PALM: variants seen among roughly 807,000 people sequenced by gnomAD.
The protein encoded by PALM is paralemmin.
PALM carries 18 observed loss-of-function variants against 30.7 expected under a neutral mutation model. That is an observed-to-expected ratio of 0.59 (90% CI 0.41 to 0.87). PALM has a LOEUF of 0.87. Ranked by LOEUF, PALM falls within the 40% of genes least tolerant of loss-of-function variation. PALM has a pLI of 0.00. For synonymous variants in PALM, 286 were observed against 242.8 expected, an observed-to-expected ratio of 1.18 and a Z score of -1.66; for missense variants, 529 against 555.4, an observed-to-expected ratio of 0.95 and a Z score of 0.48.
At chr19:736,117 G>T (rs755088361) in intron 7 of PALM, 39 bp downstream of exon 7, 14 of 1,506,908 alleles carry the variant, frequency 9.3e-6, no homozygotes, top group South Asian at 1.2e-5. Flanking sequence ...AGATCCAGCC[G>T]CTGTCAGGGA....
At chr19:726,691 T>TG (rs1436372623) in intron 2 of PALM, among the ~76,000 whole-genome samples, 1 of 152,140 alleles carries the variant, frequency 6.6e-6, no homozygotes, top group East Asian at 1.9e-4. Flanking sequence ...TTAGTAGAGA[T>TG]GGGGTTTCAC....
Position 747,124 on chromosome 19 carries a change from C to T in PALM, c.*310C>T. 2 of 316,750 alleles carry T rather than the reference C, an allele frequency of 6.3e-6. No homozygotes were observed. The highest frequency in any genetic ancestry group is 1.2e-5 in the Non-Finnish European group (2 of 169,626). 19.6% of individuals were successfully genotyped at this position (316,750 alleles called of 1,614,324 possible). On this transcript the variant is annotated 3_prime_UTR_variant, in exon 9 of 9. Coordinates refer to ENST00000338448, the MANE Select transcript of PALM (RefSeq NM_002579.3). ...GCTTCACAGACGCGGCTCGCGCCCACCGGGGTCCTGGCGGGTGGGACCCGC... is the reference window on the plus strand; with the variant it reads ...GCTTCACAGACGCGGCTCGCGCCCATCGGGGTCCTGGCGGGTGGGACCCGC...
intron 1 of PALM, among the ~76,000 whole-genome samples, chr19:710,856 T>C (rs907035424): frequency 1.3e-5 from 2 of 152,208 alleles, no homozygotes; most frequent in African/African-American, 4.8e-5. Flanking sequence ...AGGACGACTC[T>C]CTCCCCGGTT....
chr19:746,308 G>T lies in PALM; in HGVS notation c.658G>T (p.Ala220Ser), dbSNP rs142636705. 5.0e-6 allele frequency: 8 copies of T among 1,613,258 alleles called. No individual in the cohort carries two copies. Among genetic ancestry groups the T allele is most frequent in the Non-Finnish European group, 6.8e-6 (8 of 1,179,504 alleles). Residue 220 changes from alanine to serine, a missense_variant, in exon 9 of 9, where the codon GCC becomes TCC. Transcript: ENST00000338448. The surrounding 1 kb of genome is among the most constrained non-coding windows in gnomAD (Gnocchi z 7.1). ...TKVVHAVDGTAENGIHPLSSS... is the reference protein window; with the variant it reads ...TKVVHAVDGTSENGIHPLSSS... ...AGTGGTCCATGCTGTGGACGGCACCGCCGAGAACGGGATCCACCCCCTGAG... is the reference window on the plus strand; with the variant it reads ...AGTGGTCCATGCTGTGGACGGCACCTCCGAGAACGGGATCCACCCCCTGAG...
At chr19:727,439 T>A (rs2032722458) in intron 3 of PALM, 125 bp from the exon 4 acceptor site, 1 of 744,610 alleles carries the variant, frequency 1.3e-6, no homozygotes, top group African/African-American at 1.7e-5. Flanking sequence ...ATCCCAACCA[T>A]AACCCTGACC....
At position 746,524 on chromosome 19, in the gene PALM, C is replaced by T. The variant is rs745795743; in HGVS notation, c.874C>T (p.Pro292Ser). Residue 292 changes from proline to serine, a missense_variant, in exon 9 of 9, where the codon CCC (proline) becomes TCC (serine). Physicochemically the swap from Pro to Ser is moderately conservative, Grantham distance 74. Transcript: ENST00000338448. The surrounding 1 kb of genome is among the most constrained non-coding windows in gnomAD (Gnocchi z 7.1). The part of the protein sequence containing the change: ...EATSGPPGIQ[P>S]GQEPPVTMIF... ...CACGTCCGGCCCGCCGGGGATCCAG[C>T]CCGGCCAGGAGCCCCCGGTCACAAT... 14 of 1,612,850 alleles carry T rather than the reference C, an allele frequency of 8.7e-6. No individual in the cohort carries two copies. The highest frequency in any genetic ancestry group is 1.3e-5 in the African/African-American group (1 of 74,924).
rs1426363977 is a variant in PALM at position 709,222 on chromosome 19, C to G, written c.5+71C>G. On this transcript the variant is annotated intron_variant, in intron 1 of 8. Transcript: ENST00000338448. This position sits in a 1 kb window ranked among gnomAD's most constrained non-coding sequence, Gnocchi z 4.3. Reference sequence around the variant, plus strand: ...GGGAGCCGGGGAGGGGGGAGGCCCCCTCTCTCGCGCCCCATTGGGGGCGTC... The same window carrying G: ...GGGAGCCGGGGAGGGGGGAGGCCCCGTCTCTCGCGCCCCATTGGGGGCGTC... 1.7e-5 allele frequency: 5 copies of G among 302,912 alleles called. No individual in the cohort carries two copies. The highest frequency in any genetic ancestry group is 1.5e-4 in the East Asian group (3 of 19,844). The allele number at this position is 302,912 out of a possible 1,614,324, so 18.8% of individuals were successfully genotyped here.
rs1032491334 is a variant in PALM, at chr19:746,065, A to T, written c.635-220A>T. On this transcript the variant is annotated intron_variant, in intron 8 of 8. Transcript: ENST00000338448. The surrounding 1 kb of genome is among the most constrained non-coding windows in gnomAD (Gnocchi z 7.1). The stretch of plus-strand genomic sequence containing the variant: ...AGAGTGAGACTCCGTCTCAAAAAAA[A>T]TTTTTTTTCCTCATTGTACGGCATT... Among the ~76,000 whole-genome samples the T allele has an allele frequency of 1.8e-4, 27 of 152,054 alleles. No homozygotes were observed. Among genetic ancestry groups the T allele is most frequent in the African/African-American group, 1.7e-4 (7 of 41,390 alleles).
In PALM at chr19:727,000, C is replaced by CCCCCCCCCCCCCCAA; in HGVS notation, c.58-5_58-4insCCCCCCCCCCAACCC. 2.1e-6 allele frequency: 3 copies of CCCCCCCCCCCCCCAA among 1,446,502 alleles called. No individual in the cohort carries two copies. Among genetic ancestry groups the CCCCCCCCCCCCCCAA allele is most frequent in the Non-Finnish European group, 1.9e-6 (2 of 1,055,346 alleles). The allele number at this position is 1,446,502 out of a possible 1,614,324, so 89.6% of individuals were successfully genotyped here. ...CCCATCCCTGACCCCACCCGGCCCT[C>CCCCCCCCCCCCCCAA]CCCACAGGAGAAGCGGAAGCGGCAG... On this transcript the variant is annotated splice_polypyrimidine_tract_variant and splice_region_variant and intron_variant, in intron 2 of 8. Coordinates refer to ENST00000338448, the MANE Select transcript of PALM (RefSeq NM_002579.3).
chr19:730,194 G>C (rs1049743856), intron 4 of PALM, among the ~76,000 whole-genome samples: 3 of 114,780 alleles, frequency 2.6e-5, no homozygotes, highest in Non-Finnish European at 1.8e-5. Context: ...CCTGCAGGAA[G>C]CCCTCCAGGC....
chr19:719,447 G>C (rs1044524147), intron 1 of PALM: 3 of 985,320 alleles, frequency 3.0e-6, no homozygotes, highest in Non-Finnish European at 2.4e-6. Context: ...TCGCGGGGAC[G>C]GGAGGCCTGT....
chr19:741,088 G>A (rs1312083566), intron 8 of PALM, among the ~76,000 whole-genome samples: 3 of 152,024 alleles, frequency 2.0e-5, no homozygotes, highest in East Asian at 1.9e-4. Context: ...GTAGTGAGCC[G>A]TGATCGCACC....
chr19:735,188 TGGGGGCCC>T (rs2032987651), intron 6 of PALM: 10 of 122,070 alleles, frequency 8.2e-5, no homozygotes, highest in African/African-American at 3.6e-4. Context: ...TCTGTGTGTC[TGGGGGCCC>T]AGGTGCCTGT....
rs1290435591 is a variant in PALM, at chr19:709,409, C to G, written c.5+258C>G. Among the ~76,000 whole-genome samples, 1 of 151,636 alleles carries G rather than the reference C, an allele frequency of 6.6e-6. No homozygotes were observed. Among genetic ancestry groups the G allele is most frequent in the African/African-American group, 2.4e-5 (1 of 41,334 alleles). On this transcript the variant is annotated intron_variant, in intron 1 of 8. Transcript: ENST00000338448. The surrounding 1 kb of genome is among the most constrained non-coding windows in gnomAD (Gnocchi z 4.3). ...GGGACCCGGGCAGCGGCGGCTCGGG[C>G]CAGTCCAGGACGCGGGGAGGGGGAG...
chr19:728,737 C>CGG (rs1468025131), intron 4 of PALM, among the ~76,000 whole-genome samples: 13 of 152,050 alleles, frequency 8.5e-5, no homozygotes, highest in Non-Finnish European at 1.5e-4. Context: ...GGCGCGGTGG[C>CGG]TCAAGCCTGT....
intron 1 of PALM, among the ~76,000 whole-genome samples, chr19:715,182 C>T (rs1017459557): frequency 2.0e-5 from 3 of 152,034 alleles, no homozygotes; most frequent in Non-Finnish European, 2.9e-5. Flanking sequence ...GCAGGAGAAT[C>T]GCTTGAACCT....
At position 726,228 on chromosome 19, in the gene PALM, G is replaced by A. The variant is rs763852577; in HGVS notation, c.57+39G>A. On this transcript the variant is annotated intron_variant, in intron 2 of 8. Coordinates refer to ENST00000338448, the MANE Select transcript of PALM (RefSeq NM_002579.3). ...GCCCCGCAGACGGTGTGGTCAGGGT[G>A]GGGAAGTGGGGGGACCTGGGGTCTC... The A allele has an allele frequency of 1.3e-5, 21 of 1,572,754 alleles. No homozygotes were observed. The Admixed American group carries it at 2.5e-4, about 19-fold the overall frequency.
intron 4 of PALM, among the ~76,000 whole-genome samples, chr19:728,289 G>T (rs1418724019): frequency 6.6e-6 from 1 of 152,228 alleles, no homozygotes; most frequent in African/African-American, 2.4e-5. Flanking sequence ...GGGCAGCAGG[G>T]TCAGGGTGGA....
chr19:738,258 G>A (rs1048810635), intron 7 of PALM, among the ~76,000 whole-genome samples: 26 of 152,142 alleles, frequency 1.7e-4, no homozygotes, highest in African/African-American at 4.6e-4. Context: ...CAGGCGTGGT[G>A]GCTCACCCCT....
Sources: allele counts gnomAD v4.1 joint callset (sites outside exome capture counted in the v4.1 genomes callset), GRCh38; gene constraint gnomAD v4.1.1; non-coding constraint Gnocchi (gnomAD v3.1); transcripts MANE v1.5; gene names NCBI Gene and HGNC (gene_info 2026-07-23, HGNC 2026-07-21).